NRXN3: variants seen among roughly 807,000 people sequenced by gnomAD.
NRXN3 encodes the protein neurexin 3.
In NRXN3, 32 loss-of-function variants were observed where a neutral mutation model predicts 137.6. That is an observed-to-expected ratio of 0.23 (90% CI 0.18 to 0.31). The LOEUF is 0.31. Among genes scored for constraint, NRXN3 ranks in the 10% least tolerant of loss-of-function variants. The pLI, the probability that NRXN3 is intolerant of heterozygous loss-of-function variation, is 1.00. For synonymous variants in NRXN3, 798 were observed against 784.5 expected (o/e 1.02, Z -0.29); for missense variants, 1,574 against 2,062.5 (o/e 0.76, Z 4.59).
rs561581720 is a variant in NRXN3, at chr14:79,463,258, A to G, written c.3263-3963A>G. ...CTCTTGAAGAAACTATAGGTCACCC[A>G]CTTAATTAGCTTGTTCCGTAACTTT... is the stretch of plus-strand genomic sequence containing the variant. On this transcript the variant is annotated intron_variant, in intron 15 of 20. Transcript: ENST00000335750. 2.0e-5 allele frequency among the ~76,000 whole-genome samples: 3 copies of G among 152,308 alleles called. No homozygotes were observed. In the East Asian group the frequency reaches 5.8e-4, roughly 29 times the overall value.
intron 20 of NRXN3, among the ~76,000 whole-genome samples, chr14:79,838,084 TAC>T (rs2099348044): frequency 6.7e-6 from 1 of 148,262 alleles, no homozygotes; most frequent in African/African-American, 2.4e-5. Flanking sequence ...CTGAATAGTA[TAC>T]AGTGTTAAAA....
At chr14:78,941,198 TGAG>T (rs915969211) in intron 10 of NRXN3, among the ~76,000 whole-genome samples, 9 of 152,156 alleles carry the variant, frequency 5.9e-5, no homozygotes, top group African/African-American at 2.2e-4. Context: ...TTAAAATCAA[TGAG>T]AAGTAGAAAG....
In NRXN3 at chr14:79,083,808, A is replaced by G. The variant is rs546364060; in HGVS notation, c.3262+95667A>G. Among the ~76,000 whole-genome samples the G allele has an allele frequency of 6.2e-4, 94 of 152,290 alleles. 3 individuals are homozygous for G. The South Asian group carries it at 0.018, about 29-fold the overall frequency. On this transcript the variant is annotated intron_variant, in intron 15 of 20. Transcript: ENST00000335750. ...TTTTACATAAAACAGTTTTTATTAA[A>G]TCTCCTTTGGAAGGGAGAATTACAA...
chr14:78,958,698 A>T (rs915573705), intron 11 of NRXN3, among the ~76,000 whole-genome samples: 4 of 152,180 alleles, frequency 2.6e-5, no homozygotes, highest in African/African-American at 9.7e-5. Flanking sequence ...GATATTCTAG[A>T]GCAGGACACA....
intron 16 of NRXN3, among the ~76,000 whole-genome samples, chr14:79,486,102 A>G (rs975344521): frequency 2.6e-5 from 4 of 152,154 alleles, no homozygotes; most frequent in Non-Finnish European, 5.9e-5. Context: ...TAATTTTACA[A>G]TGAAGAAAAC....
In NRXN3 at chr14:79,663,644, T is replaced by C. The variant is rs1445812931; in HGVS notation, c.3445-134T>C. On this transcript the variant is annotated intron_variant, in intron 16 of 20. Transcript: ENST00000335750. ...AAGCTCATGGAGAAATGTAGAATGC[T>C]ATTATTATCTTATCTTCATGCTGAC... 5 of 714,454 alleles carry C rather than the reference T, an allele frequency of 7.0e-6. No homozygotes were observed. In the South Asian group the frequency reaches 9.5e-5, roughly 14 times the overall value. The allele number at this position is 714,454 out of a possible 1,614,324, so 44.3% of individuals were successfully genotyped here. A position where few individuals can be genotyped will look rare whatever the true frequency, so the allele number is the denominator to read the frequency against.
At chr14:79,489,496 G>A (rs964022917) in intron 16 of NRXN3, among the ~76,000 whole-genome samples, 1 of 152,158 alleles carries the variant, frequency 6.6e-6, no homozygotes, top group Non-Finnish European at 1.5e-5. Context: ...TTGAGCATTT[G>A]CATTAGTATG....
intron 4 of NRXN3, among the ~76,000 whole-genome samples, chr14:78,524,608 T>C (rs966272991): frequency 1.3e-5 from 2 of 152,192 alleles, no homozygotes; most frequent in Admixed American, 6.5e-5. Context: ...TGCCAGTCTA[T>C]AGAATGGCCT....
intron 15 of NRXN3, among the ~76,000 whole-genome samples, chr14:79,033,117 A>T (rs72685496): frequency 0.032 from 4,928 of 151,900 alleles, 123 homozygotes; most frequent in Non-Finnish European, 0.047. Flanking sequence ...CACTAGACTG[A>T]CTCCTACTTG....
chr14:79,848,841 C>A (rs2099386001), intron 20 of NRXN3, among the ~76,000 whole-genome samples: 1 of 152,152 alleles, frequency 6.6e-6, no homozygotes, highest in South Asian at 2.1e-4. Flanking sequence ...GTTTAAGCCT[C>A]CCTTCAGAAT....
intron 1 of NRXN3, among the ~76,000 whole-genome samples, chr14:78,189,315 G>A (rs912028269): frequency 1.3e-5 from 2 of 152,188 alleles, no homozygotes; most frequent in Admixed American, 6.5e-5. Flanking sequence ...GCAGGCTGGA[G>A]TGATCCTTTA....
chr14:79,530,977 T>G (rs140771213), intron 16 of NRXN3, among the ~76,000 whole-genome samples: 1 of 152,218 alleles, frequency 6.6e-6, no homozygotes, highest in Non-Finnish European at 1.5e-5. Context: ...TCTTCATTAA[T>G]GTTTTTGATC....
At chr14:78,350,808 G>T (rs1419549593) in intron 4 of NRXN3, among the ~76,000 whole-genome samples, 1 of 151,934 alleles carries the variant, frequency 6.6e-6, no homozygotes. Flanking sequence ...GGGTGTGAGA[G>T]TTTCTATACA....
chr14:78,943,610 T>TAAAAAAA (rs754141401), intron 10 of NRXN3, among the ~76,000 whole-genome samples: 4 of 28,766 alleles, frequency 1.4e-4, no homozygotes, highest in African/African-American at 7.8e-4. Flanking sequence ...AGATCACTGT[T>TAAAAAAA]AAAAAAAAAA....
chr14:78,726,803 G>T (rs1165186914), intron 8 of NRXN3, among the ~76,000 whole-genome samples: 2 of 151,928 alleles, frequency 1.3e-5, no homozygotes, highest in African/African-American at 4.8e-5. Context: ...ACAGGCGTGA[G>T]TCATCACACC....
chr14:79,530,151 T>C (rs972365734), intron 16 of NRXN3, among the ~76,000 whole-genome samples: 1 of 152,104 alleles, frequency 6.6e-6, no homozygotes, highest in Non-Finnish European at 1.5e-5. Context: ...ACAGAAATGA[T>C]TGCAAATCTC....
At chr14:78,530,844 C>A (rs776045134) in intron 4 of NRXN3, among the ~76,000 whole-genome samples, 4 of 152,150 alleles carry the variant, frequency 2.6e-5, no homozygotes, top group Middle Eastern at 3.2e-3. Context: ...CTGTTAAATT[C>A]TTTTAGGAGC....
rs558507054 is a variant in NRXN3 at position 79,467,556 on chromosome 14, T to G, written c.3444+154T>G. 2.6e-4 allele frequency among the ~76,000 whole-genome samples: 40 copies of G among 152,150 alleles called. No homozygotes were observed. The South Asian group carries it at 7.7e-3, about 29-fold the overall frequency. On this transcript the variant is annotated intron_variant, in intron 16 of 20. Coordinates refer to ENST00000335750, the MANE Select transcript of NRXN3 (RefSeq NM_001330195.2). Reference sequence around the variant, plus strand: ...GATGTGAACCATCATATTTACAGGGTTCCTGGGGGAAAAAAACTTAAAAAC... The same window carrying G: ...GATGTGAACCATCATATTTACAGGGGTCCTGGGGGAAAAAAACTTAAAAAC...
chr14:79,784,740 T>G (rs2140166411), intron 19 of NRXN3, among the ~76,000 whole-genome samples: 1 of 151,632 alleles, frequency 6.6e-6, no homozygotes, highest in African/African-American at 2.4e-5. Context: ...ATGTTCCAGC[T>G]GGGAGTCTAT....
Sources: gnomAD v4.1 joint callset for allele counts (sites outside exome capture counted in the v4.1 genomes callset) on GRCh38, gnomAD v4.1.1 for gene constraint, MANE v1.5 for transcripts, NCBI Gene and HGNC (gene_info 2026-07-23, HGNC 2026-07-21) for gene names.